Variants in MYBPC3 observed in about 807,000 individuals in gnomAD.
The protein encoded by MYBPC3 is myosin-binding protein C, cardiac-type.
In MYBPC3, 108 loss-of-function variants were observed where a neutral mutation model predicts 159.3. That is an observed-to-expected ratio of 0.68 (90% CI 0.58 to 0.80). MYBPC3 has a LOEUF of 0.80. Among genes scored for constraint, MYBPC3 ranks in the 30% least tolerant of loss-of-function variants. The pLI is 0.00. For missense variants in MYBPC3, 1,631 were observed against 1,762.1 expected, an observed-to-expected ratio of 0.93 and a Z score of 1.33; for synonymous variants, 730 against 702.0, an observed-to-expected ratio of 1.04 and a Z score of -0.63.
In MYBPC3 at chr11:47,333,682, C is replaced by G. The variant is rs397516000; in HGVS notation, c.3065G>C (p.Arg1022Pro). The change falls in exon 29 of 35, where the codon CGC becomes CCC. Residue 1022 changes from arginine (R) to proline (P), a missense_variant. Arg to Pro is a moderately radical substitution (Grantham distance 103). Coordinates refer to ENST00000545968, the MANE Select transcript of MYBPC3 (RefSeq NM_000256.3). ...QPLAGEEVSI[R>P]NSPTDTILFI... is the part of the protein sequence containing the mutation. Reference sequence around the variant, plus strand: ...CAGGATGGTGTCTGTGGGGCTGTTGCGGATGCTCACCTCCTCGCCTGCCAG... The same window carrying G: ...CAGGATGGTGTCTGTGGGGCTGTTGGGGATGCTCACCTCCTCGCCTGCCAG... The G allele has an allele frequency of 5.2e-5, 84 of 1,611,220 alleles. No homozygotes were observed. Among genetic ancestry groups the G allele is most frequent in the Non-Finnish European group, 6.6e-5 (78 of 1,179,572 alleles).
chr11:47,337,655 G>A (rs975868174), intron 24 of MYBPC3, 35 bp downstream of exon 24: 8 of 1,604,414 alleles, frequency 5.0e-6, no homozygotes, highest in East Asian at 2.2e-5. Context: ...TCTGTTTGGC[G>A]CCCTCACACC....
At position 47,332,890 on chromosome 11, in the gene MYBPC3, G is replaced by A. The variant is rs753671465; in HGVS notation, c.3414C>T (p.Arg1138=). Reference sequence around the variant, plus strand: ...AGCCAACCATATTCTGGCTGAAGACGCGGAAGTAGTAGCCATTGCCAATGA... The same window carrying A: ...AGCCAACCATATTCTGGCTGAAGACACGGAAGTAGTAGCCATTGCCAATGA... ...ELIIGNGYYF[R]VFSQNMVGFS... The change falls in exon 31 of 35, where the codon CGC becomes CGT. Residue 1138 remains arginine (R), a synonymous_variant. Transcript: ENST00000545968. This position sits in a 1 kb window ranked among gnomAD's most constrained non-coding sequence, Gnocchi z 4.2. 7.5e-6 allele frequency: 12 copies of A among 1,608,116 alleles called. No individual in the cohort carries two copies. The highest frequency in any genetic ancestry group is 3.4e-5 in the Admixed American group (2 of 59,038).
In MYBPC3 at chr11:47,331,634, T is replaced by C; in HGVS notation, c.*109A>G. 1 of 569,460 alleles carries C rather than the reference T, an allele frequency of 1.8e-6. No homozygotes were observed. The highest frequency in any genetic ancestry group is 3.1e-6 in the Non-Finnish European group (1 of 321,234). The allele number at this position is 569,460 out of a possible 1,614,324, so 35.3% of individuals were successfully genotyped here. ...CCCATCGCAGCACAGGAGACACACTTGTCACACATACATCCAACAGTAGGG... is the reference window on the plus strand; with the variant it reads ...CCCATCGCAGCACAGGAGACACACTCGTCACACATACATCCAACAGTAGGG... On this transcript the variant is annotated 3_prime_UTR_variant, in exon 35 of 35. Transcript: ENST00000545968.
intron 6 of MYBPC3, 94 bp downstream of exon 6, chr11:47,348,330 G>T (rs2095896526): frequency 1.1e-6 from 1 of 935,830 alleles, no homozygotes; most frequent in Non-Finnish European, 1.7e-6. Context: ...TGTCTGGATG[G>T]GACGAGGCAT....
chr11:47,343,388 G>A, intron 13 of MYBPC3, 104 bp downstream of exon 13: 1 of 1,488,218 alleles, frequency 6.7e-7, no homozygotes, highest in Non-Finnish European at 8.9e-7. Context: ...AGATGGGGCT[G>A]AGAGCCACAC....
rs1273481248 is a variant in MYBPC3, at chr11:47,343,012, C to G, written c.1351+9G>C. The G allele has an allele frequency of 6.2e-7, 1 of 1,613,168 alleles. No homozygotes were observed. The highest frequency in any genetic ancestry group is 1.7e-5 in the Admixed American group (1 of 59,964). ...CCCAGGTTCCCACATCCTCAGGTCCCAGGCCCACCTTTCACAAAGAGCTCC... is the reference window on the plus strand; with the variant it reads ...CCCAGGTTCCCACATCCTCAGGTCCGAGGCCCACCTTTCACAAAGAGCTCC... On this transcript the variant is annotated intron_variant, in intron 15 of 34. Transcript: ENST00000545968.
At chr11:47,343,169 G>T in intron 14 of MYBPC3, 24 bp from the exon 15 acceptor site, 1 of 1,605,608 alleles carries the variant, frequency 6.2e-7, no homozygotes. Flanking sequence ...GCAGGGAAGT[G>T]GCAGGAAAGC....
chr11:47,332,416 C>G lies in MYBPC3; in HGVS notation c.3627+150G>C. ...ACAAACATGGAACCAAGAGTGAGTA[C>G]CATGGCCCTGCCCAGGGGGAGGAAC... On this transcript the variant is annotated intron_variant, in intron 32 of 34. Transcript: ENST00000545968. The surrounding 1 kb of genome is among the most constrained non-coding windows in gnomAD (Gnocchi z 4.2). 7.1e-7 allele frequency: 1 copy of G among 1,407,674 alleles called. No individual in the cohort carries two copies. Among genetic ancestry groups the G allele is most frequent in the Non-Finnish European group, 9.7e-7 (1 of 1,031,214 alleles). 87.2% of individuals were successfully genotyped at this position (1,407,674 alleles called of 1,614,324 possible). A position where few individuals can be genotyped will look rare whatever the true frequency, so the allele number is the denominator to read the frequency against.
chr11:47,351,619 A>G lies in MYBPC3; in HGVS notation c.26-114T>C, dbSNP rs1365947259. ...CTTTCTATGCATCCCCTCACGTAAT[A>G]CTCTACCAGTTCTCTGAGGTAGTTG... On this transcript the variant is annotated intron_variant, in intron 1 of 34. Coordinates refer to ENST00000545968, the MANE Select transcript of MYBPC3 (RefSeq NM_000256.3). This position sits in a 1 kb window ranked among gnomAD's most constrained non-coding sequence, Gnocchi z 4.2. 4 of 1,181,442 alleles carry G rather than the reference A, an allele frequency of 3.4e-6. No individual in the cohort carries two copies. The highest frequency in any genetic ancestry group is 2.8e-4 in the Middle Eastern group (1 of 3,534). 73.2% of individuals were successfully genotyped at this position (1,181,442 alleles called of 1,614,324 possible).
rs1258227933 is a variant in MYBPC3 at position 47,338,872 on chromosome 11, T to A, written c.2149-193A>T. ...GGCAGGGGCTCGGGTTCTAGCTTTG[T>A]CACGGGACCTGGGGCAACCACCTGT... On this transcript the variant is annotated intron_variant, in intron 22 of 34. Transcript: ENST00000545968. The surrounding 1 kb of genome is among the most constrained non-coding windows in gnomAD (Gnocchi z 4.7). 6.6e-6 allele frequency among the ~76,000 whole-genome samples: 1 copy of A among 152,160 alleles called. No homozygotes were observed. The highest frequency in any genetic ancestry group is 1.5e-5 in the Non-Finnish European group (1 of 68,018).
Position 47,351,534 on chromosome 11 carries a change from C to G in MYBPC3, c.26-29G>C, listed in dbSNP as rs1390898919. On this transcript the variant is annotated intron_variant, in intron 1 of 34. Coordinates refer to ENST00000545968, the MANE Select transcript of MYBPC3 (RefSeq NM_000256.3). The surrounding 1 kb of genome is among the most constrained non-coding windows in gnomAD (Gnocchi z 4.2). ...AAGGGCCAGGTGGAGGCTACAGCGG[C>G]CCCTGGTTGGAGCGTGCACCCCGCC... is the stretch of plus-strand genomic sequence containing the variant. The G allele has an allele frequency of 4.5e-6, 7 of 1,553,308 alleles. No homozygotes were observed. The highest frequency in any genetic ancestry group is 6.1e-6 in the Non-Finnish European group (7 of 1,145,482).
At chr11:47,333,416 T>C in intron 29 of MYBPC3, 83 bp from the exon 30 acceptor site, 1 of 1,496,918 alleles carries the variant, frequency 6.7e-7, no homozygotes, top group Non-Finnish European at 8.9e-7. Flanking sequence ...ACCCCACCCC[T>C]GCCAACCAGG....
chr11:47,333,135 G>C, intron 30 of MYBPC3, 59 bp downstream of exon 30: 1 of 1,559,758 alleles, frequency 6.4e-7, no homozygotes, highest in South Asian at 1.2e-5. Context: ...GGGTAGCTGC[G>C]GCCTGGGTCT....
intron 8 of MYBPC3, 83 bp downstream of exon 8, chr11:47,347,568 G>A (rs2095895546): frequency 2.6e-6 from 4 of 1,558,078 alleles, no homozygotes; most frequent in South Asian, 1.2e-5. Context: ...GGGAGAAAGG[G>A]ACACTAGCCA....
At position 47,335,068 on chromosome 11, in the gene MYBPC3, T is replaced by C; in HGVS notation, c.2879A>G (p.Glu960Gly). 1 of 1,586,578 alleles carries C rather than the reference T, an allele frequency of 6.3e-7. No individual in the cohort carries two copies. The highest frequency in any genetic ancestry group is 8.6e-7 in the Non-Finnish European group (1 of 1,163,680). ...AGPGAPVTTTEPVTVQEILQR... is the reference protein window; with the variant it reads ...AGPGAPVTTTGPVTVQEILQR... Reference sequence around the variant, plus strand: ...CAGGATCTCCTGCACTGTCACCGGCTCCGTGGTGGTAACAGGGGCTCCAGG... The same window carrying C: ...CAGGATCTCCTGCACTGTCACCGGCCCCGTGGTGGTAACAGGGGCTCCAGG... Residue 960 changes from glutamate (E) to glycine (G), a missense_variant, in exon 27 of 35, where the codon GAG becomes GGG. Physicochemically the swap from Glu to Gly is moderately conservative, Grantham distance 98. Coordinates refer to ENST00000545968, the MANE Select transcript of MYBPC3 (RefSeq NM_000256.3).
chr11:47,340,293 G>GCGCACACATGCA (rs771930441), intron 20 of MYBPC3, among the ~76,000 whole-genome samples: 4 of 151,594 alleles, frequency 2.6e-5, no homozygotes, highest in African/African-American at 7.3e-5. Flanking sequence ...ACACACACGC[G>GCGCACACATGCA]CGCACACATG....
Position 47,351,828 on chromosome 11 carries a change from T to TC in MYBPC3, c.26-324dup, listed in dbSNP as rs994057683. On this transcript the variant is annotated intron_variant, in intron 1 of 34. Transcript: ENST00000545968. This position sits in a 1 kb window ranked among gnomAD's most constrained non-coding sequence, Gnocchi z 4.2. ...CACCCGTGATGAACCCAGCTCCCTT[T>TC]CCCCCAACCATTTCGGGCCCTTGGC... Among the ~76,000 whole-genome samples, 2 of 152,030 alleles carry TC rather than the reference T, an allele frequency of 1.3e-5. No individual in the cohort carries two copies. Among genetic ancestry groups the TC allele is most frequent in the Admixed American group, 6.6e-5 (1 of 15,262 alleles).
At chr11:47,343,452 C>T in intron 13 of MYBPC3, 40 bp downstream of exon 13, 3 of 1,547,916 alleles carry the variant, frequency 1.9e-6, no homozygotes, top group Non-Finnish European at 2.6e-6. Flanking sequence ...ATGGGGGTCC[C>T]CACCTCCACC....
chr11:47,350,513 G>C lies in MYBPC3; in HGVS notation c.395C>G (p.Pro132Arg). ...APAAELGESA[P>R]SPKGSSSAAL... ...CCAGCCCCTCTCACCTTTGGGACTT[G>C]GGGCACTTTCTCCCAGCTCAGCGGC... Residue 132 changes from proline (P) to arginine (R), a missense_variant, in exon 3 of 35, where the codon CCA (proline) becomes CGA (arginine). Coordinates refer to ENST00000545968, the MANE Select transcript of MYBPC3 (RefSeq NM_000256.3). The C allele has an allele frequency of 6.4e-7, 1 of 1,559,206 alleles. No individual in the cohort carries two copies. The highest frequency in any genetic ancestry group is 2.4e-5 in the East Asian group (1 of 42,110).
Sources: allele counts gnomAD v4.1 joint callset (sites outside exome capture counted in the v4.1 genomes callset), GRCh38; gene constraint gnomAD v4.1.1; non-coding constraint Gnocchi (gnomAD v3.1); transcripts MANE v1.5; gene names NCBI Gene and HGNC (gene_info 2026-07-23, HGNC 2026-07-21).